LARP1: variants seen among roughly 807,000 people sequenced by gnomAD.
LARP1 encodes la-related protein 1.
A neutral mutation model predicts 122.7 loss-of-function variants in LARP1; 36 were observed. The observed-to-expected ratio is 0.29, with a 90% confidence interval of 0.22 to 0.39. The LOEUF is 0.39. Among genes scored for constraint, LARP1 ranks in the 10% least tolerant of loss-of-function variants. The pLI, the probability that LARP1 is intolerant of heterozygous loss-of-function variation, is 1.00. For missense variants in LARP1, 1,040 were observed against 1,403.6 expected, an observed-to-expected ratio of 0.74 and a Z score of 4.14; for synonymous variants, 539 against 528.7, an observed-to-expected ratio of 1.02 and a Z score of -0.27.
rs111654022 is a variant in LARP1 at position 154,757,628 on chromosome 5, C to T, written c.436+1435C>T. On this transcript the variant is annotated intron_variant, in intron 1 of 18. Transcript: ENST00000518297. ...TAAAGGGGGAGCTTAATGTCTTCAC[C>T]GTCAAAGGAGTAGAAGCACTGCTAG... Among the ~76,000 whole-genome samples, 157 of 152,212 alleles carry T rather than the reference C, an allele frequency of 1.0e-3. 1 individual carries two copies. Among genetic ancestry groups the T allele is most frequent in the African/African-American group, 3.6e-3 (150 of 41,528 alleles).
At chr5:154,733,529 A>C (rs1756704422) in intron 1 of LARP1, among the ~76,000 whole-genome samples, 1 of 150,850 alleles carries the variant, frequency 6.6e-6, no homozygotes, top group African/African-American at 2.4e-5. Flanking sequence ...TGCACAAGCT[A>C]TATAACCTCT....
chr5:154,814,149 G>T lies in LARP1; in HGVS notation c.*53G>T. 6.4e-7 allele frequency: 1 copy of T among 1,557,616 alleles called. No homozygotes were observed. Among genetic ancestry groups the T allele is most frequent in the South Asian group, 1.1e-5 (1 of 87,776 alleles). Reference sequence around the variant, plus strand: ...GGGGAAAGGGGTAGGGTGGGTAAGAGTCCATGGGGGTGCCCAGTCCCAGGA... The same window carrying T: ...GGGGAAAGGGGTAGGGTGGGTAAGATTCCATGGGGGTGCCCAGTCCCAGGA... On this transcript the variant is annotated 3_prime_UTR_variant, in exon 19 of 19. Coordinates refer to ENST00000518297, the MANE Select transcript of LARP1 (RefSeq NM_033551.3).
At chr5:154,756,801 C>G (rs1434651812) in intron 1 of LARP1, among the ~76,000 whole-genome samples, 1 of 152,068 alleles carries the variant, frequency 6.6e-6, no homozygotes. Context: ...AGAAACCCAT[C>G]GTGTCATCGA....
chr5:154,800,748 G>A (rs959763343), intron 10 of LARP1, among the ~76,000 whole-genome samples: 8 of 152,162 alleles, frequency 5.3e-5, no homozygotes, highest in Non-Finnish European at 1.2e-4. Flanking sequence ...CCTCTGGCCT[G>A]GGGCTTGTGA....
At chr5:154,785,211 GGT>G (rs1491568886) in intron 1 of LARP1, among the ~76,000 whole-genome samples, 1 of 152,228 alleles carries the variant, frequency 6.6e-6, no homozygotes, top group Non-Finnish European at 1.5e-5. Context: ...GCAATGTGGT[GGT>G]GTGGTATCCC....
intron 1 of LARP1, chr5:154,718,300 A>C (rs546974351): frequency 3.1e-4 from 47 of 152,346 alleles, no homozygotes; most frequent in African/African-American, 1.1e-3. Flanking sequence ...AAGCCATAGA[A>C]TATCAGAGAT....
At chr5:154,683,205 A>C (rs1485943132) in intron 1 of LARP1, among the ~76,000 whole-genome samples, 1 of 152,232 alleles carries the variant, frequency 6.6e-6, no homozygotes, top group Non-Finnish European at 1.5e-5. Context: ...CCATCCTTAC[A>C]GGAGCCGCTT....
chr5:154,781,476 C>G (rs1199548248), intron 1 of LARP1, among the ~76,000 whole-genome samples: 5 of 152,014 alleles, frequency 3.3e-5, no homozygotes, highest in African/African-American at 9.7e-5. Context: ...ACCTGTAATC[C>G]CAGCTACTCG....
Position 154,799,955 on chromosome 5 carries a change from G to A in LARP1, c.1629G>A (p.Lys543=), listed in dbSNP as rs925830671. The part of the protein sequence containing the change: ...EEVSNLKTLP[K]GLSASLPDLD... ...TCAGCAACCTAAAGACACTACCCAA[G>A]GGCCTGTCTGCCAGCCTGCCTGACC... The change falls in exon 10 of 19, where the codon AAG becomes AAA. Residue 543 remains lysine (K), a synonymous_variant. Transcript: ENST00000518297. The A allele has an allele frequency of 3.7e-6, 6 of 1,614,200 alleles. No individual in the cohort carries two copies. Among genetic ancestry groups the A allele is most frequent in the Non-Finnish European group, 5.1e-6 (6 of 1,180,034 alleles).
In LARP1 at chr5:154,804,287, G is replaced by A. The variant is rs776944280; in HGVS notation, c.2526G>A (p.Arg842=). 6.8e-6 allele frequency: 11 copies of A among 1,613,968 alleles called. No homozygotes were observed. The Admixed American group carries it at 1.5e-4, about 22-fold the overall frequency. Residue 842 remains arginine, a synonymous_variant, in exon 14 of 19, where the codon AGG becomes AGA. Coordinates refer to ENST00000518297, the MANE Select transcript of LARP1 (RefSeq NM_033551.3). ...GGGTGATGGATTCCCGTGAGCACAG[G>A]CCCCGTACTGCTTCCATCAGGTACC... The part of the protein sequence containing the change: ...VGWVMDSREH[R]PRTASISSSP...
At chr5:154,799,036 G>T (rs973625861) in intron 8 of LARP1, among the ~76,000 whole-genome samples, 2 of 152,134 alleles carry the variant, frequency 1.3e-5, no homozygotes, top group African/African-American at 2.4e-5. Flanking sequence ...GCTAATTTTT[G>T]TATTTTTAGT....
intron 1 of LARP1, among the ~76,000 whole-genome samples, chr5:154,740,333 C>T (rs1470532073): frequency 3.4e-5 from 5 of 145,654 alleles, no homozygotes; most frequent in African/African-American, 1.3e-4. Context: ...GCGGAGGTTG[C>T]GATGAGCCGA....
At chr5:154,715,466 C>T (rs1266111782) in intron 1 of LARP1, among the ~76,000 whole-genome samples, 4 of 152,098 alleles carry the variant, frequency 2.6e-5, no homozygotes, top group Admixed American at 1.3e-4. Context: ...TGCTCTTGAA[C>T]TCCCGACCTC....
chr5:154,748,379 A>G (rs1753312742), intron 1 of LARP1, among the ~76,000 whole-genome samples: 1 of 152,208 alleles, frequency 6.6e-6, no homozygotes, highest in Admixed American at 6.5e-5. Flanking sequence ...CACTAAGATG[A>G]ATAAGGTATA....
chr5:154,792,858 C>T, intron 4 of LARP1, 62 bp downstream of exon 4: 1 of 1,528,638 alleles, frequency 6.5e-7, no homozygotes, highest in Non-Finnish European at 8.9e-7. Context: ...AATGTCAGGA[C>T]TCCAGGGGAC....
In LARP1 at chr5:154,756,949, G is replaced by T. The variant is rs532360904; in HGVS notation, c.436+756G>T. Among the ~76,000 whole-genome samples, 51 of 150,992 alleles carry T rather than the reference G, an allele frequency of 3.4e-4. 1 individual carries two copies. The East Asian group carries it at 0.01, about 30-fold the overall frequency. ...AGGGGCCTGCGGCGACTTGAGGGGC[G>T]TGTGGCGGCGGGGGAGGGAGTGGCC... is the stretch of plus-strand genomic sequence containing the variant. On this transcript the variant is annotated intron_variant, in intron 1 of 18. Coordinates refer to ENST00000518297, the MANE Select transcript of LARP1 (RefSeq NM_033551.3).
intron 1 of LARP1, among the ~76,000 whole-genome samples, chr5:154,761,967 C>T (rs561579190): frequency 5.3e-5 from 8 of 152,264 alleles, no homozygotes; most frequent in Middle Eastern, 3.4e-3. Context: ...TCCTGCTGGG[C>T]GCGGGGGTTC....
chr5:154,805,056 G>A (rs1582472038), intron 14 of LARP1: 1 of 370,680 alleles, frequency 2.7e-6, no homozygotes, highest in East Asian at 7.3e-5. Context: ...CATATTATAT[G>A]TATTACATAC....
intron 4 of LARP1, 94 bp from the exon 5 acceptor site, chr5:154,793,501 C>T (rs749505617): frequency 2.6e-6 from 4 of 1,524,274 alleles, no homozygotes; most frequent in Non-Finnish European, 2.7e-6. Context: ...GTGATTTGGG[C>T]CCAAGTCCAG....
Sources: allele counts gnomAD v4.1 joint callset (sites outside exome capture counted in the v4.1 genomes callset), GRCh38; gene constraint gnomAD v4.1.1; transcripts MANE v1.5; gene names NCBI Gene and HGNC (gene_info 2026-07-23, HGNC 2026-07-21).